The following CNTN4 variants were observed in gnomAD, a reference collection of about 807,000 sequenced individuals.
CNTN4 encodes contactin-4.
In CNTN4, 77 loss-of-function variants were observed where a neutral mutation model predicts 122.5. The observed-to-expected ratio is 0.63, with a 90% CI of 0.52 to 0.76. The LOEUF (loss-of-function observed/expected upper bound fraction) is 0.76. Among genes scored for constraint, CNTN4 ranks in the 30% least tolerant of loss-of-function variants. The pLI, the probability that CNTN4 is intolerant of heterozygous loss-of-function variation, is 0.00. For missense variants in CNTN4, 1,256 were observed against 1,259.1 expected, an observed-to-expected ratio of 1.00 and a Z score of 0.04; for synonymous variants, 512 against 447.0, an observed-to-expected ratio of 1.15 and a Z score of -1.83.
At chr3:3,024,862 T>C (rs1698597574) in intron 14 of CNTN4, among the ~76,000 whole-genome samples, 1 of 152,192 alleles carries the variant, frequency 6.6e-6, no homozygotes, top group Non-Finnish European at 1.5e-5. Flanking sequence ...TCCCAGAGGT[T>C]CCCTGAATAA....
chr3:2,366,758 T>A (rs1213257663), intron 3 of CNTN4, among the ~76,000 whole-genome samples: 1 of 150,452 alleles, frequency 6.6e-6, no homozygotes, highest in Non-Finnish European at 1.5e-5. Context: ...GTAATAATAA[T>A]AATAAATAAA....
rs1253058646 is a variant in CNTN4 at position 3,056,810 on chromosome 3, C to T, written c.*590C>T. 1 of 152,938 alleles carries T rather than the reference C, an allele frequency of 6.5e-6. No homozygotes were observed. Among genetic ancestry groups the T allele is most frequent in the Non-Finnish European group, 1.5e-5 (1 of 68,286 alleles). 9.5% of individuals were successfully genotyped at this position (152,938 alleles called of 1,614,324 possible). A position where few individuals can be genotyped will look rare whatever the true frequency, so the allele number is the denominator to read the frequency against. On this transcript the variant is annotated 3_prime_UTR_variant, in exon 25 of 25. Coordinates refer to ENST00000418658, the MANE Select transcript of CNTN4 (RefSeq NM_175607.3). ...GTTTCCCATGCCGTTGTGATTTTGA[C>T]ATGTACAGTATGTTTTCATGCCGTT...
At chr3:3,049,731 G>C (rs1307284193) in intron 23 of CNTN4, among the ~76,000 whole-genome samples, 1 of 152,190 alleles carries the variant, frequency 6.6e-6, no homozygotes, top group Non-Finnish European at 1.5e-5. Context: ...GTTGGGCCTT[G>C]GCACCTCTCT....
chr3:2,925,872 C>G (rs2094468865), intron 13 of CNTN4, 93 bp downstream of exon 13: 2 of 1,064,422 alleles, frequency 1.9e-6, no homozygotes, highest in African/African-American at 1.6e-5. Flanking sequence ...GGGTGACTAT[C>G]TGCTGTTCCT....
At chr3:2,849,210 GC>G (rs2150618520) in intron 7 of CNTN4, among the ~76,000 whole-genome samples, 1 of 152,284 alleles carries the variant, frequency 6.6e-6, no homozygotes, top group Non-Finnish European at 1.5e-5. Context: ...TGTCCCTAGT[GC>G]CAAGAAGAAT....
At chr3:2,406,724 G>A (rs546762879) in intron 3 of CNTN4, among the ~76,000 whole-genome samples, 1 of 152,226 alleles carries the variant, frequency 6.6e-6, no homozygotes, top group South Asian at 2.1e-4. Flanking sequence ...ACAATACAGA[G>A]CCTGTTACAA....
intron 13 of CNTN4, among the ~76,000 whole-genome samples, chr3:2,984,424 G>A (rs1694359295): frequency 6.6e-6 from 1 of 152,188 alleles, no homozygotes; most frequent in East Asian, 1.9e-4. Flanking sequence ...CGTGGGGAAG[G>A]GTTAGAGCTA....
At chr3:2,250,863 A>G (rs971616882) in intron 2 of CNTN4, among the ~76,000 whole-genome samples, 1 of 151,896 alleles carries the variant, frequency 6.6e-6, no homozygotes, top group African/African-American at 2.4e-5. Flanking sequence ...GTAATTTAAA[A>G]TAGAGCCTTT....
rs575665163 is a variant in CNTN4, at chr3:2,200,184, TTC to T, written c.-145+99547_-145+99548del. Among the ~76,000 whole-genome samples the T allele has an allele frequency of 5.4e-4, 83 of 152,306 alleles. 1 individual carries two copies. The highest frequency in any genetic ancestry group is 8.8e-4 in the Non-Finnish European group (60 of 68,030). On this transcript the variant is annotated intron_variant, in intron 2 of 24. Coordinates refer to ENST00000418658, the MANE Select transcript of CNTN4 (RefSeq NM_175607.3). ...AGCCCAAGCAAGAGATGATTCATTG[TTC>T]TATGTGGTGGTAGTAGAGATGGAGA...
At chr3:2,162,850 A>G (rs989344344) in intron 2 of CNTN4, among the ~76,000 whole-genome samples, 1 of 152,130 alleles carries the variant, frequency 6.6e-6, no homozygotes, top group Non-Finnish European at 1.5e-5. Flanking sequence ...TAGTCCCAGC[A>G]CTTTGGGAGG....
chr3:2,483,103 C>A (rs2076054054), intron 3 of CNTN4, among the ~76,000 whole-genome samples: 1 of 152,164 alleles, frequency 6.6e-6, no homozygotes, highest in Non-Finnish European at 1.5e-5. Context: ...GGGTGCTATA[C>A]CCTGCAAAGC....
intron 4 of CNTN4, among the ~76,000 whole-genome samples, chr3:2,584,315 C>T (rs766753184): frequency 6.6e-6 from 1 of 151,890 alleles, no homozygotes; most frequent in East Asian, 1.9e-4. Context: ...GAGCCGCATG[C>T]CTTCTGGCCT....
rs1019864551 is a variant in CNTN4 at position 2,841,994 on chromosome 3, C to A, written c.454+22413C>A. On this transcript the variant is annotated intron_variant, in intron 7 of 24. Coordinates refer to ENST00000418658, the MANE Select transcript of CNTN4 (RefSeq NM_175607.3). The surrounding 1 kb of genome is among the most constrained non-coding windows in gnomAD (Gnocchi z 4.8). ...TAAATAAATAAATGAAGCTAGCTGC[C>A]CCCATTTTTTTCAAGAACATGTTAT... Among the ~76,000 whole-genome samples the A allele has an allele frequency of 6.6e-6, 1 of 151,686 alleles. No homozygotes were observed. Among genetic ancestry groups the A allele is most frequent in the Non-Finnish European group, 1.5e-5 (1 of 67,914 alleles).
intron 3 of CNTN4, among the ~76,000 whole-genome samples, chr3:2,537,307 G>A (rs1468059964): frequency 6.6e-6 from 1 of 152,056 alleles, no homozygotes; most frequent in Non-Finnish European, 1.5e-5. Flanking sequence ...CCTAGAGTTG[G>A]TGGGTCTGAG....
chr3:3,038,340 C>G (rs1258017293), intron 18 of CNTN4, among the ~76,000 whole-genome samples: 2 of 152,136 alleles, frequency 1.3e-5, no homozygotes, highest in Non-Finnish European at 2.9e-5. Context: ...GCTCAGTGAG[C>G]CGGGGGTCAA....
At chr3:2,207,222 A>G (rs2038400564) in intron 2 of CNTN4, among the ~76,000 whole-genome samples, 1 of 152,140 alleles carries the variant, frequency 6.6e-6, no homozygotes, top group Admixed American at 6.6e-5. Context: ...CTGAGACACA[A>G]TAATATTGAA....
intron 7 of CNTN4, among the ~76,000 whole-genome samples, chr3:2,842,468 A>C (rs1283835711): frequency 3.3e-5 from 5 of 151,988 alleles, no homozygotes. Flanking sequence ...TTTCCCTGCT[A>C]CATCACTCCT....
At chr3:2,650,516 T>G (rs1230750034) in intron 4 of CNTN4, among the ~76,000 whole-genome samples, 1 of 152,182 alleles carries the variant, frequency 6.6e-6, no homozygotes, top group African/African-American at 2.4e-5. Context: ...CTACTGCGGA[T>G]AAAATCCCAG....
At chr3:2,875,769 G>A (rs528110016) in intron 8 of CNTN4, among the ~76,000 whole-genome samples, 1 of 152,326 alleles carries the variant, frequency 6.6e-6, no homozygotes, top group East Asian at 1.9e-4. Context: ...AACACGTACA[G>A]AGATAGAGTG....
Sources: gnomAD v4.1 joint callset for allele counts (sites outside exome capture counted in the v4.1 genomes callset) on GRCh38, gnomAD v4.1.1 for gene constraint, Gnocchi (gnomAD v3.1) non-coding constraint, MANE v1.5 for transcripts, NCBI Gene and HGNC (gene_info 2026-07-23, HGNC 2026-07-21) for gene names.